The following PPA2 variants were observed in gnomAD, a reference collection of about 807,000 sequenced individuals.
The protein encoded by PPA2 is inorganic pyrophosphatase 2, also known as inorganic pyrophosphatase 2, mitochondrial.
A neutral mutation model predicts 49.5 loss-of-function variants in PPA2; 48 were observed. The observed-to-expected ratio is 0.97, with a 90% CI of 0.77 to 1.23. The LOEUF (loss-of-function observed/expected upper bound fraction) is 1.23. Among genes scored for constraint, PPA2 ranks in the 50% most tolerant of loss-of-function variants. The probability of loss-of-function intolerance (pLI) is 0.00; values close to 1 mark genes in which losing one functional copy is unlikely to be tolerated. For synonymous variants in PPA2, 131 were observed against 139.9 expected (o/e 0.94, Z 0.45); for missense variants, 429 against 410.1 (o/e 1.05, Z -0.40).
chr4:105,403,154 G>A (rs1005752064), intron 7 of PPA2, among the ~76,000 whole-genome samples: 7 of 151,990 alleles, frequency 4.6e-5, no homozygotes, highest in Admixed American at 1.3e-4. Context: ...TTTCCAAGAA[G>A]CTAGGACTAC....
At position 105,369,654 on chromosome 4, in the gene PPA2, G is replaced by C; in HGVS notation, c.*71C>G. On this transcript the variant is annotated 3_prime_UTR_variant, in exon 12 of 12. Coordinates refer to ENST00000341695, the MANE Select transcript of PPA2 (RefSeq NM_176869.3). ...AACAGGAAGTCAGTAAATGCTCATAGACCCCCTTGTCTCTAGCACTTGGAG... is the reference window on the plus strand; with the variant it reads ...AACAGGAAGTCAGTAAATGCTCATACACCCCCTTGTCTCTAGCACTTGGAG... The C allele has an allele frequency of 6.9e-7, 1 of 1,447,284 alleles. No homozygotes were observed. Among genetic ancestry groups the C allele is most frequent in the Admixed American group, 1.7e-5 (1 of 59,504 alleles). The allele number at this position is 1,447,284 out of a possible 1,614,324, so 89.7% of individuals were successfully genotyped here. A position where few individuals can be genotyped will look rare whatever the true frequency, so the allele number is the denominator to read the frequency against.
chr4:105,369,809 G>A (rs1324051642), intron 11 of PPA2, 56 bp from the exon 12 acceptor site: 10 of 1,457,974 alleles, frequency 6.9e-6, no homozygotes, highest in East Asian at 2.3e-5. Flanking sequence ...GAGGGAGAAG[G>A]GAGTGATTAA....
chr4:105,460,196 TA>T (rs1195817102), intron 1 of PPA2, among the ~76,000 whole-genome samples: 3 of 152,074 alleles, frequency 2.0e-5, no homozygotes, highest in Non-Finnish European at 4.4e-5. Flanking sequence ...AATGCAACAA[TA>T]AACATAATAC....
Position 105,369,660 on chromosome 4 carries a change from CT to C in PPA2, c.*64del. ...AAGTCAGTAAATGCTCATAGACCCC[CT>C]TGTCTCTAGCACTTGGAGTCCTTAG... is the stretch of plus-strand genomic sequence containing the variant. On this transcript the variant is annotated 3_prime_UTR_variant, in exon 12 of 12. Coordinates refer to ENST00000341695, the MANE Select transcript of PPA2 (RefSeq NM_176869.3). The C allele has an allele frequency of 1.1e-6, 1 of 915,952 alleles. No individual in the cohort carries two copies. Among genetic ancestry groups the C allele is most frequent in the Admixed American group, 2.9e-5 (1 of 34,320 alleles). The allele number at this position is 915,952 out of a possible 1,614,324, so 56.7% of individuals were successfully genotyped here.
intron 2 of PPA2, chr4:105,453,897 T>G (rs768226433): frequency 9.0e-6 from 3 of 332,834 alleles, no homozygotes; most frequent in Non-Finnish European, 1.6e-5. Flanking sequence ...TTTCCCAGTT[T>G]TTATAAAGTA....
At chr4:105,468,705 C>A (rs1723405700) in intron 1 of PPA2, among the ~76,000 whole-genome samples, 1 of 152,186 alleles carries the variant, frequency 6.6e-6, no homozygotes, top group Admixed American at 6.5e-5. Flanking sequence ...TACCAGCATG[C>A]AGAGTACTGC....
intron 7 of PPA2, among the ~76,000 whole-genome samples, chr4:105,410,029 G>A (rs982860021): frequency 1.2e-4 from 19 of 152,200 alleles, no homozygotes; most frequent in African/African-American, 4.1e-4. Flanking sequence ...GCAGCTCCTC[G>A]CCAGCAATGG....
At chr4:105,431,161 T>C (rs970057256) in intron 6 of PPA2, among the ~76,000 whole-genome samples, 2 of 152,212 alleles carry the variant, frequency 1.3e-5, no homozygotes, top group Non-Finnish European at 2.9e-5. Flanking sequence ...CATTTTCTTA[T>C]TTTTGATAAT....
intron 5 of PPA2, chr4:105,446,084 G>A (rs1429029329): frequency 5.7e-5 from 13 of 226,926 alleles, no homozygotes; most frequent in East Asian, 1.9e-4. Context: ...ATAAAGCCTC[G>A]CTTAAAAGTT....
chr4:105,443,896 C>T (rs909510259), intron 5 of PPA2, among the ~76,000 whole-genome samples: 1 of 152,122 alleles, frequency 6.6e-6, no homozygotes, highest in African/African-American at 2.4e-5. Flanking sequence ...TCCTTTAGAT[C>T]TTTACTCAAA....
chr4:105,456,001 G>A (rs1722862027), intron 2 of PPA2: 1 of 278,600 alleles, frequency 3.6e-6, no homozygotes, highest in African/African-American at 2.2e-5. Context: ...TACCAAATAT[G>A]CCATATTACC....
chr4:105,387,917 C>T (rs947451270), intron 9 of PPA2, among the ~76,000 whole-genome samples: 1 of 152,080 alleles, frequency 6.6e-6, no homozygotes, highest in Non-Finnish European at 1.5e-5. Context: ...AAAAATTAGA[C>T]ACTGCAAAAA....
At chr4:105,436,132 T>G (rs1040433607) in intron 6 of PPA2, among the ~76,000 whole-genome samples, 10 of 152,190 alleles carry the variant, frequency 6.6e-5, no homozygotes, top group African/African-American at 2.4e-4. Flanking sequence ...AATCTATATA[T>G]AAAAATTAAT....
chr4:105,421,649 G>A (rs949144360), intron 7 of PPA2, among the ~76,000 whole-genome samples: 2 of 151,782 alleles, frequency 1.3e-5, no homozygotes, highest in Non-Finnish European at 2.9e-5. Context: ...TTTTTCCTCG[G>A]TCTCTGTAAA....
chr4:105,421,460 G>A (rs1293473232), intron 7 of PPA2, among the ~76,000 whole-genome samples: 1 of 152,006 alleles, frequency 6.6e-6, no homozygotes, highest in African/African-American at 2.4e-5. Context: ...TTTTTAAAAT[G>A]CCATCTAAAA....
chr4:105,408,068 T>C (rs764500165), intron 7 of PPA2, among the ~76,000 whole-genome samples: 12 of 140,264 alleles, frequency 8.6e-5, no homozygotes, highest in Admixed American at 6.0e-4. Flanking sequence ...ATAATCTAGA[T>C]AGGCGGGTAG....
chr4:105,427,920 A>C (rs1325588788), intron 6 of PPA2, among the ~76,000 whole-genome samples: 2 of 152,180 alleles, frequency 1.3e-5, no homozygotes, highest in South Asian at 4.1e-4. Flanking sequence ...GGTTGAAATG[A>C]GGGAAAAAAT....
chr4:105,391,505 T>C (rs982788553), intron 9 of PPA2, among the ~76,000 whole-genome samples: 1 of 151,400 alleles, frequency 6.6e-6, no homozygotes, highest in African/African-American at 2.4e-5. Flanking sequence ...AGTCCTGCTA[T>C]TGAGTGCTGA....
chr4:105,450,203 A>C (rs1722606167), intron 3 of PPA2, among the ~76,000 whole-genome samples: 1 of 152,176 alleles, frequency 6.6e-6, no homozygotes, highest in South Asian at 2.1e-4. Context: ...ACAATTTATC[A>C]AGGAAACAAC....
Sources: allele counts gnomAD v4.1 joint callset (sites outside exome capture counted in the v4.1 genomes callset), GRCh38; gene constraint gnomAD v4.1.1; transcripts MANE v1.5; gene names NCBI Gene and HGNC (gene_info 2026-07-23, HGNC 2026-07-21).